The following STAB2 variants were observed in gnomAD, a reference collection of about 807,000 sequenced individuals.
STAB2 encodes stabilin-2.
STAB2 carries 288 observed loss-of-function variants against 338.1 expected under a neutral mutation model. The ratio of observed to expected loss-of-function variants is 0.85; its 90% confidence interval spans 0.77 to 0.94. STAB2 has a LOEUF of 0.94. STAB2 is among the 40% of genes least tolerant of loss of function. The probability of loss-of-function intolerance (pLI) is 0.00; values close to 1 mark genes in which losing one functional copy is unlikely to be tolerated. For synonymous variants in STAB2, 1,202 were observed against 1,193.3 expected (o/e 1.01, Z -0.15); for missense variants, 3,141 against 3,210.1 (o/e 0.98, Z 0.52).
At chr12:103,644,563 AAATAAAT>A (rs1873198544) in intron 9 of STAB2, among the ~76,000 whole-genome samples, 4 of 145,300 alleles carry the variant, frequency 2.8e-5, no homozygotes, top group Admixed American at 6.9e-5. Flanking sequence ...ATAAATAAAT[AAATAAAT>A]AAAAATAAAA....
Position 103,651,019 on chromosome 12 carries a change from C to T in STAB2, c.1257+441C>T, listed in dbSNP as rs114436567. On this transcript the variant is annotated intron_variant, in intron 11 of 68. Coordinates refer to ENST00000388887, the MANE Select transcript of STAB2 (RefSeq NM_017564.10). ...TTTAAATCATTATAAATGGTACAAG[C>T]GATAAGGAAAAAATAAGAAGAAAAT... Among the ~76,000 whole-genome samples, 897 of 152,066 alleles carry T rather than the reference C, an allele frequency of 5.9e-3. 8 individuals carry two copies. Among genetic ancestry groups the T allele is most frequent in the African/African-American group, 0.021 (853 of 41,462 alleles).
intron 44 of STAB2, among the ~76,000 whole-genome samples, chr12:103,722,194 G>A (rs1042763472): frequency 1.3e-5 from 2 of 152,114 alleles, no homozygotes; most frequent in Non-Finnish European, 2.9e-5. Flanking sequence ...GAGGGGCCCT[G>A]GATATTAAGC....
At position 103,652,684 on chromosome 12, in the gene STAB2, G is replaced by T; in HGVS notation, c.1386G>T (p.Gly462=). The T allele has an allele frequency of 6.2e-7, 1 of 1,600,188 alleles. No individual in the cohort carries two copies. Among genetic ancestry groups the T allele is most frequent in the South Asian group, 1.2e-5 (1 of 86,536 alleles). Residue 462 remains glycine, a synonymous_variant, in exon 12 of 69, where the codon GGG becomes GGT. Coordinates refer to ENST00000388887, the MANE Select transcript of STAB2 (RefSeq NM_017564.10). The part of the protein sequence containing the change: ...DMFYTLTGKS[G]EIFNSDKDNQ... ...TCTACACCTTGACTGGAAAGTCGGGGGAAATCTTCAACAGCGATAAGGTAA... is the reference window on the plus strand; with the variant it reads ...TCTACACCTTGACTGGAAAGTCGGGTGAAATCTTCAACAGCGATAAGGTAA...
chr12:103,640,103 T>C lies in STAB2; in HGVS notation c.907-20T>C. 1 of 1,590,130 alleles carries C rather than the reference T, an allele frequency of 6.3e-7. No homozygotes were observed. The highest frequency in any genetic ancestry group is 8.6e-7 in the Non-Finnish European group (1 of 1,167,300). The stretch of plus-strand genomic sequence containing the variant: ...AACTAACTAGGATCCTATTTGTTTT[T>C]CTCTTCCTGTCTACTGAAGTCTCAC... On this transcript the variant is annotated intron_variant, in intron 8 of 68. Coordinates refer to ENST00000388887, the MANE Select transcript of STAB2 (RefSeq NM_017564.10).
rs1008359286 is a variant in STAB2, at chr12:103,641,207, C to T, written c.1040+951C>T. The stretch of plus-strand genomic sequence containing the variant: ...TTCACGCCTTTTATAACTGGGTGGT[C>T]AGTGTGTAGATTTGCCCCAACAGGT... On this transcript the variant is annotated intron_variant, in intron 9 of 68. Coordinates refer to ENST00000388887, the MANE Select transcript of STAB2 (RefSeq NM_017564.10). Among the ~76,000 whole-genome samples the T allele has an allele frequency of 1.3e-4, 20 of 152,300 alleles. 3 individuals carry two copies. The highest frequency in any genetic ancestry group is 4.6e-4 in the Admixed American group (7 of 15,310).
rs765895662 is a variant in STAB2 at position 103,638,003 on chromosome 12, G to A, written c.710-13G>A. 7 of 1,601,888 alleles carry A rather than the reference G, an allele frequency of 4.4e-6. No homozygotes were observed. In the Admixed American group the frequency reaches 1.2e-4, roughly 27 times the overall value. On this transcript the variant is annotated splice_polypyrimidine_tract_variant and intron_variant, in intron 7 of 68. Coordinates refer to ENST00000388887, the MANE Select transcript of STAB2 (RefSeq NM_017564.10). ...TTAACTAACTGCCTCTCATTTTGCT[G>A]TTGCCTCTCAAGCCATCAATCCATG... is the stretch of plus-strand genomic sequence containing the variant.
At chr12:103,641,559 C>T (rs566752437) in intron 9 of STAB2, among the ~76,000 whole-genome samples, 3 of 152,284 alleles carry the variant, frequency 2.0e-5, no homozygotes, top group African/African-American at 2.4e-5. Flanking sequence ...CATATGCATC[C>T]AGGCACACCC....
rs369059792 is a variant in STAB2, at chr12:103,640,173, G to A, written c.957G>A (p.Gly319=). ...EHYQNFVPGV[G]CSMTDICKSD... ...ACCAGAATTTCGTACCTGGAGTGGG[G>A]TGCAGTATGACTGATATATGTAAAT... is the stretch of plus-strand genomic sequence containing the variant. Residue 319 remains glycine (G), a synonymous_variant, in exon 9 of 69, where the codon GGG becomes GGA. Transcript: ENST00000388887. The A allele has an allele frequency of 2.5e-6, 4 of 1,613,750 alleles. No individual in the cohort carries two copies. Among genetic ancestry groups the A allele is most frequent in the Non-Finnish European group, 3.4e-6 (4 of 1,179,752 alleles).
At chr12:103,661,358 G>A (rs560428562) in intron 17 of STAB2, among the ~76,000 whole-genome samples, 2 of 152,280 alleles carry the variant, frequency 1.3e-5, no homozygotes, top group South Asian at 4.1e-4. Flanking sequence ...ACATCCAGCA[G>A]CACAGGGTTG....
chr12:103,606,786 C>T (rs1340241269), intron 3 of STAB2, among the ~76,000 whole-genome samples: 1 of 152,104 alleles, frequency 6.6e-6, no homozygotes, highest in African/African-American at 2.4e-5. Flanking sequence ...AGATCAAGAC[C>T]ATCCTGGCTA....
chr12:103,744,818 GA>G (rs1407864311), intron 56 of STAB2, among the ~76,000 whole-genome samples: 1 of 152,122 alleles, frequency 6.6e-6, no homozygotes, highest in Non-Finnish European at 1.5e-5. Context: ...AGCCCCAGAT[GA>G]GATGATCTCC....
At chr12:103,742,170 C>T (rs1030002116) in intron 55 of STAB2, among the ~76,000 whole-genome samples, 1 of 152,160 alleles carries the variant, frequency 6.6e-6, no homozygotes, top group African/African-American at 2.4e-5. Context: ...ATCCAGTGCA[C>T]AAACCCCCAA....
At chr12:103,695,491 C>T (rs953415087) in intron 31 of STAB2, 59 bp from the exon 32 acceptor site, 17 of 1,544,694 alleles carry the variant, frequency 1.1e-5, no homozygotes, top group Non-Finnish European at 1.3e-5. Flanking sequence ...TCCTATGTAT[C>T]GAAAAGCAGT....
At position 103,699,237 on chromosome 12, in the gene STAB2, T is replaced by C. The variant is rs1878656770; in HGVS notation, c.3714+10T>C. The C allele has an allele frequency of 6.2e-7, 1 of 1,605,256 alleles. No individual in the cohort carries two copies. Among genetic ancestry groups the C allele is most frequent in the Non-Finnish European group, 8.5e-7 (1 of 1,173,272 alleles). On this transcript the variant is annotated intron_variant, in intron 34 of 68. Transcript: ENST00000388887. ...TCTCCATAATGACCAGGTACGATCC[T>C]TTTATGTAAAACCCCAGCAATGCCA...
intron 19 of STAB2, among the ~76,000 whole-genome samples, chr12:103,668,353 A>G (rs1875366262): frequency 6.6e-6 from 1 of 152,220 alleles, no homozygotes; most frequent in Admixed American, 6.5e-5. Context: ...CAGAATGAAC[A>G]GAAAATATTT....
At chr12:103,636,491 T>A (rs1957550416) in intron 6 of STAB2, among the ~76,000 whole-genome samples, 1 of 151,894 alleles carries the variant, frequency 6.6e-6, no homozygotes, top group African/African-American at 2.4e-5. Flanking sequence ...AGATCAGGGC[T>A]CACCTCCTAT....
At chr12:103,651,522 C>T (rs1873742613) in intron 11 of STAB2, among the ~76,000 whole-genome samples, 1 of 152,100 alleles carries the variant, frequency 6.6e-6, no homozygotes, top group Non-Finnish European at 1.5e-5. Context: ...TCATGTTGAC[C>T]AGGATGGTCT....
chr12:103,735,461 G>A (rs770287027), intron 51 of STAB2, 30 bp from the exon 52 acceptor site: 12 of 1,538,592 alleles, frequency 7.8e-6, no homozygotes, highest in Non-Finnish European at 1.1e-5. Context: ...CCAAATTTGG[G>A]GCAGTCACGT....
In STAB2 at chr12:103,620,489, C is replaced by A. The variant is rs1040965618; in HGVS notation, c.353C>A (p.Ser118Ter). ...CTAGAGTGCCCAGGTGGAGCGGGGT[C>A]ACCCTGCAATGGCAGAGGCAGTTGT... is the stretch of plus-strand genomic sequence containing the variant. ...DCIECPGGAG[S>*]PCNGRGSCAE... The change falls in exon 4 of 69, where the codon TCA becomes TAA. Residue 118 changes from serine (S) to a stop codon, truncating the protein, a stop_gained. Transcript: ENST00000388887. LOFTEE classifies it high-confidence loss of function. 2 of 1,584,558 alleles carry A rather than the reference C, an allele frequency of 1.3e-6. No homozygotes were observed. The highest frequency in any genetic ancestry group is 1.8e-5 in the Admixed American group (1 of 56,618).
Sources: gnomAD v4.1 joint callset for allele counts (sites outside exome capture counted in the v4.1 genomes callset) on GRCh38, gnomAD v4.1.1 for gene constraint, MANE v1.5 for transcripts, NCBI Gene and HGNC (gene_info 2026-07-23, HGNC 2026-07-21) for gene names.